TRIM44: variants seen among roughly 807,000 people sequenced by gnomAD.
TRIM44 encodes the protein tripartite motif-containing protein 44.
A neutral mutation model predicts 37.4 loss-of-function variants in TRIM44; 13 were observed. That is an observed-to-expected ratio of 0.35 (90% CI 0.23 to 0.55). TRIM44 has a LOEUF of 0.55. Among genes scored for constraint, TRIM44 ranks in the 20% least tolerant of loss-of-function variants. The pLI is 0.89. For missense variants in TRIM44, 426 were observed against 437.2 expected, an observed-to-expected ratio of 0.97 and a Z score of 0.23; for synonymous variants, 175 against 157.2, an observed-to-expected ratio of 1.11 and a Z score of -0.85.
At chr11:35,804,261 G>C (rs1008034970) in intron 4 of TRIM44, among the ~76,000 whole-genome samples, 4 of 152,140 alleles carry the variant, frequency 2.6e-5, no homozygotes, top group African/African-American at 9.7e-5. Flanking sequence ...GATTTTATCA[G>C]TTCAGACTTC....
Position 35,756,444 on chromosome 11 carries a change from T to C in TRIM44, c.1007+20999T>C, listed in dbSNP as rs575096526. 2.0e-5 allele frequency among the ~76,000 whole-genome samples: 3 copies of C among 152,346 alleles called. No individual in the cohort carries two copies. In the East Asian group the frequency reaches 5.8e-4, roughly 29 times the overall value. Reference sequence around the variant, plus strand: ...GTTTTCTAGATATATAATCATGTCATCTGCAAACAGGGACAATTTGACTTC... The same window carrying C: ...GTTTTCTAGATATATAATCATGTCACCTGCAAACAGGGACAATTTGACTTC... On this transcript the variant is annotated intron_variant, in intron 4 of 4. Transcript: ENST00000299413.
intron 3 of TRIM44, among the ~76,000 whole-genome samples, chr11:35,729,332 G>A (rs951907519): frequency 6.6e-6 from 1 of 152,150 alleles, no homozygotes; most frequent in Admixed American, 6.6e-5. Flanking sequence ...TCTCTATGGA[G>A]CCTGTGGGTG....
At chr11:35,741,396 G>A (rs1468123183) in intron 4 of TRIM44, among the ~76,000 whole-genome samples, 2 of 152,092 alleles carry the variant, frequency 1.3e-5, no homozygotes, top group South Asian at 4.1e-4. Context: ...AAATTTGCCC[G>A]TAAGAGTCAC....
At chr11:35,697,976 G>T (rs1269109631) in intron 2 of TRIM44, among the ~76,000 whole-genome samples, 1 of 151,178 alleles carries the variant, frequency 6.6e-6, no homozygotes, top group Non-Finnish European at 1.5e-5. Context: ...CCCAGTAATG[G>T]GATGGCTGGG....
chr11:35,776,090 A>T (rs895280937), intron 4 of TRIM44, among the ~76,000 whole-genome samples: 33 of 152,288 alleles, frequency 2.2e-4, no homozygotes, highest in African/African-American at 7.5e-4. Context: ...TTGTTAATCC[A>T]TCTGGTCCTG....
chr11:35,758,579 A>G (rs1383284311), intron 4 of TRIM44, among the ~76,000 whole-genome samples: 1 of 152,176 alleles, frequency 6.6e-6, no homozygotes, highest in Non-Finnish European at 1.5e-5. Flanking sequence ...TAGTTGATGC[A>G]GTTTCTTCCC....
At chr11:35,756,805 C>A (rs1257120908) in intron 4 of TRIM44, among the ~76,000 whole-genome samples, 1 of 152,138 alleles carries the variant, frequency 6.6e-6, no homozygotes, top group Non-Finnish European at 1.5e-5. Flanking sequence ...TGCTGGATTA[C>A]GTTTATTGAT....
chr11:35,762,355 T>C (rs1269436076), intron 4 of TRIM44, among the ~76,000 whole-genome samples: 1 of 152,206 alleles, frequency 6.6e-6, no homozygotes, highest in African/African-American at 2.4e-5. Flanking sequence ...GTTATATCCC[T>C]GTCAGACTTA....
At chr11:35,704,141 A>G (rs1301166163) in intron 2 of TRIM44, among the ~76,000 whole-genome samples, 3 of 152,358 alleles carry the variant, frequency 2.0e-5, no homozygotes, top group African/African-American at 7.2e-5. Context: ...GATGCGATCA[A>G]CTGAAAGAAA....
In TRIM44 at chr11:35,810,707, C is replaced by G. The variant is rs574323394; in HGVS notation, c.*4322C>G. On this transcript the variant is annotated 3_prime_UTR_variant, in exon 5 of 5. Coordinates refer to ENST00000299413, the MANE Select transcript of TRIM44 (RefSeq NM_017583.6). ...GGAGCCCATACTGGGCTTGATATGA[C>G]TTTGAGGGGACAGCAGATTAATACT... The G allele has an allele frequency of 6.6e-6, 1 of 152,244 alleles. No homozygotes were observed. Among genetic ancestry groups the G allele is most frequent in the South Asian group, 2.1e-4 (1 of 4,816 alleles). 9.4% of individuals were successfully genotyped at this position (152,244 alleles called of 1,614,324 possible). A position where few individuals can be genotyped will look rare whatever the true frequency, so the allele number is the denominator to read the frequency against.
intron 2 of TRIM44, among the ~76,000 whole-genome samples, chr11:35,705,407 T>C (rs1424807509): frequency 2.0e-5 from 3 of 152,138 alleles, no homozygotes; most frequent in South Asian, 2.1e-4. Flanking sequence ...CTGCACCAAG[T>C]GGACCTAATA....
In TRIM44 at chr11:35,686,637, A is replaced by G. The variant is rs1188476526; in HGVS notation, c.747+1301A>G. On this transcript the variant is annotated intron_variant, in intron 2 of 4. Transcript: ENST00000299413. ...AGTGGCATGATCTCGGCTCAGTGCA[A>G]CCTCTCCCTCCCAGGTTCAAGTGAT... is the stretch of plus-strand genomic sequence containing the variant. Among the ~76,000 whole-genome samples the G allele has an allele frequency of 4.6e-5, 7 of 150,708 alleles. No homozygotes were observed. The South Asian group carries it at 1.5e-3, about 32-fold the overall frequency.
At chr11:35,670,453 C>A (rs1251122491) in intron 1 of TRIM44, among the ~76,000 whole-genome samples, 2 of 152,080 alleles carry the variant, frequency 1.3e-5, no homozygotes, top group Non-Finnish European at 1.5e-5. Flanking sequence ...TAGAATGTTC[C>A]TTGATTTGGA....
intron 2 of TRIM44, among the ~76,000 whole-genome samples, chr11:35,705,280 C>T (rs909610865): frequency 1.9e-4 from 29 of 152,076 alleles, no homozygotes; most frequent in Admixed American, 3.9e-4. Context: ...GAGTGATCTA[C>T]GAAGAGACTT....
intron 2 of TRIM44, among the ~76,000 whole-genome samples, chr11:35,694,819 G>C (rs1429242894): frequency 6.6e-6 from 1 of 152,098 alleles, no homozygotes; most frequent in Non-Finnish European, 1.5e-5. Flanking sequence ...GGCAAGGACA[G>C]TCTTTCTCTG....
chr11:35,806,647 A>T lies in TRIM44; in HGVS notation c.*262A>T. 3 of 454,124 alleles carry T rather than the reference A, an allele frequency of 6.6e-6. No homozygotes were observed. The highest frequency in any genetic ancestry group is 1.2e-5 in the Non-Finnish European group (3 of 254,486). 28.1% of individuals were successfully genotyped at this position (454,124 alleles called of 1,614,324 possible). A position where few individuals can be genotyped will look rare whatever the true frequency, so the allele number is the denominator to read the frequency against. On this transcript the variant is annotated 3_prime_UTR_variant, in exon 5 of 5. Transcript: ENST00000299413. ...CAGGAGCAATTAAGAAAGGTCCTTC[A>T]GGTAATCCCTCAATGGCTGCTTTGA...
intron 1 of TRIM44, among the ~76,000 whole-genome samples, chr11:35,674,893 G>T (rs1035887568): frequency 5.9e-5 from 9 of 152,180 alleles, no homozygotes; most frequent in African/African-American, 2.2e-4. Flanking sequence ...TCACTGGAGG[G>T]CATGGAGCCA....
chr11:35,689,288 A>G (rs181787193), intron 2 of TRIM44, among the ~76,000 whole-genome samples: 1 of 152,310 alleles, frequency 6.6e-6, no homozygotes, highest in Non-Finnish European at 1.5e-5. Flanking sequence ...AGAGCCAGTG[A>G]TGGTTAAGAA....
intron 4 of TRIM44, among the ~76,000 whole-genome samples, chr11:35,793,489 C>T (rs1590605466): frequency 6.6e-6 from 1 of 152,166 alleles, no homozygotes; most frequent in East Asian, 1.9e-4. Context: ...TACGCCACTG[C>T]ACTCCAGCCT....
Sources: allele counts gnomAD v4.1 joint callset (sites outside exome capture counted in the v4.1 genomes callset), GRCh38; gene constraint gnomAD v4.1.1; transcripts MANE v1.5; gene names NCBI Gene and HGNC (gene_info 2026-07-23, HGNC 2026-07-21).